The following CDH11 variants were observed in gnomAD, a reference collection of about 807,000 sequenced individuals.
CDH11 encodes cadherin-11.
A neutral mutation model predicts 67.8 loss-of-function variants in CDH11; 11 were observed. The ratio of observed to expected loss-of-function variants is 0.16; its 90% CI spans 0.10 to 0.27. The LOEUF (loss-of-function observed/expected upper bound fraction) is 0.27. Among genes scored for constraint, CDH11 ranks in the 10% least tolerant of loss-of-function variants. The probability of loss-of-function intolerance (pLI) is 1.00; values close to 1 mark genes in which losing one functional copy is unlikely to be tolerated. For missense variants in CDH11, 847 were observed against 1,031.2 expected (o/e 0.82, Z 2.45); for synonymous variants, 419 against 400.0 (o/e 1.05, Z -0.57).
chr16:65,099,981 CAGAAG>C (rs1348693379), intron 1 of CDH11, among the ~76,000 whole-genome samples: 1 of 152,064 alleles, frequency 6.6e-6, no homozygotes, highest in African/African-American at 2.4e-5. Context: ...GGACGCATCT[CAGAAG>C]AGAAATGATA....
At chr16:65,042,416 A>C (rs962073050) in intron 2 of CDH11, among the ~76,000 whole-genome samples, 6 of 152,138 alleles carry the variant, frequency 3.9e-5, no homozygotes, top group Admixed American at 3.9e-4. Context: ...ATTTCAGCTG[A>C]ATCCTGAAAG....
At chr16:65,073,581 GC>G (rs1597160458) in intron 1 of CDH11, among the ~76,000 whole-genome samples, 1 of 152,132 alleles carries the variant, frequency 6.6e-6, no homozygotes, top group Non-Finnish European at 1.5e-5. Flanking sequence ...ACCACACTTG[GC>G]CTTCCTTTTT....
At chr16:65,036,715 C>G (rs531383331) in intron 2 of CDH11, among the ~76,000 whole-genome samples, 5 of 152,034 alleles carry the variant, frequency 3.3e-5, no homozygotes, top group Non-Finnish European at 5.9e-5. Context: ...AAAATGCAGA[C>G]CCCCCTCAAA....
chr16:65,055,341 T>A (rs941118285), intron 1 of CDH11, among the ~76,000 whole-genome samples: 1 of 152,200 alleles, frequency 6.6e-6, no homozygotes, highest in Non-Finnish European at 1.5e-5. Flanking sequence ...GAGAGGGACC[T>A]CCACCCTGGT....
At chr16:65,085,389 C>G (rs2074679493) in intron 1 of CDH11, among the ~76,000 whole-genome samples, 1 of 152,224 alleles carries the variant, frequency 6.6e-6, no homozygotes, top group East Asian at 1.9e-4. Flanking sequence ...GAGGTTCCTC[C>G]TCTGTAAAAT....
At chr16:65,095,551 T>C (rs532200125) in intron 1 of CDH11, among the ~76,000 whole-genome samples, 1 of 152,272 alleles carries the variant, frequency 6.6e-6, no homozygotes, top group Admixed American at 6.5e-5. Context: ...CTGTAATCAG[T>C]TTACTTTAAG....
At chr16:65,050,094 C>T (rs981647153) in intron 2 of CDH11, among the ~76,000 whole-genome samples, 1 of 152,144 alleles carries the variant, frequency 6.6e-6, no homozygotes, top group Non-Finnish European at 1.5e-5. Flanking sequence ...AATGTGTGTA[C>T]ACTTCTCTTG....
intron 2 of CDH11, 70 bp from the exon 3 acceptor site, chr16:65,005,111 C>A (rs1864146): frequency 1.6e-6 from 2 of 1,289,948 alleles, no homozygotes; most frequent in Non-Finnish European, 2.0e-6. Flanking sequence ...TTTCAGTAAG[C>A]CTTCAGGACT....
chr16:65,120,751 A>C (rs1597219498), intron 1 of CDH11, among the ~76,000 whole-genome samples: 1 of 152,118 alleles, frequency 6.6e-6, no homozygotes. Flanking sequence ...AAAACCTTTC[A>C]CCCGGGAGAG....
chr16:65,098,969 G>T (rs535789154), intron 1 of CDH11, among the ~76,000 whole-genome samples: 12 of 152,210 alleles, frequency 7.9e-5, no homozygotes, highest in Admixed American at 7.2e-4. Context: ...TATTATATTT[G>T]ATATATTGAG....
intron 3 of CDH11, among the ~76,000 whole-genome samples, chr16:65,003,532 C>T (rs1421282141): frequency 6.6e-6 from 1 of 152,234 alleles, no homozygotes; most frequent in Admixed American, 6.5e-5. Context: ...ACTAGGATTA[C>T]AGGTGTGAGC....
At chr16:65,016,157 C>T (rs1215842249) in intron 2 of CDH11, among the ~76,000 whole-genome samples, 3 of 152,128 alleles carry the variant, frequency 2.0e-5, no homozygotes, top group Non-Finnish European at 4.4e-5. Flanking sequence ...ATGGCTTTTT[C>T]GTATATCTAT....
chr16:65,098,731 T>A (rs11863328), intron 1 of CDH11, among the ~76,000 whole-genome samples: 2,841 of 152,242 alleles, frequency 0.019, 99 homozygotes, highest in African/African-American at 0.066. Context: ...TAGGTGCTTA[T>A]CAAATGCCTA....
At position 64,980,628 on chromosome 16, in the gene CDH11, G is replaced by A. The variant is rs78212166; in HGVS notation, c.1253+1420C>T. On this transcript the variant is annotated intron_variant, in intron 8 of 12. Transcript: ENST00000268603. Reference sequence around the variant, plus strand: ...CTTCAAAGAATGAGATGGAGGTAGAGGGGTGCAAAGAAGTTTTTTAAACTA... The same window carrying A: ...CTTCAAAGAATGAGATGGAGGTAGAAGGGTGCAAAGAAGTTTTTTAAACTA... Among the ~76,000 whole-genome samples the A allele has an allele frequency of 2.3e-4, 35 of 152,288 alleles. 1 individual carries two copies. In the East Asian group the frequency reaches 6.6e-3, roughly 29 times the overall value.
intron 2 of CDH11, among the ~76,000 whole-genome samples, chr16:65,041,173 C>A (rs2073861153): frequency 6.6e-6 from 1 of 152,178 alleles, no homozygotes; most frequent in Admixed American, 6.5e-5. Flanking sequence ...CTGGCCTTCC[C>A]AAATAGACAG....
At chr16:65,101,512 C>T (rs922466313) in intron 1 of CDH11, among the ~76,000 whole-genome samples, 1 of 152,014 alleles carries the variant, frequency 6.6e-6, no homozygotes, top group Non-Finnish European at 1.5e-5. Context: ...TTTATTCATT[C>T]TTTCTTCCTC....
At chr16:65,104,139 A>T (rs16968496) in intron 1 of CDH11, among the ~76,000 whole-genome samples, 1 of 152,066 alleles carries the variant, frequency 6.6e-6, no homozygotes, top group Admixed American at 6.6e-5. Flanking sequence ...GAGGTATGCA[A>T]ATATGATTCC....
chr16:65,078,263 C>A (rs1223793325), intron 1 of CDH11, among the ~76,000 whole-genome samples: 1 of 152,166 alleles, frequency 6.6e-6, no homozygotes, highest in South Asian at 2.1e-4. Context: ...GCTGCTATTT[C>A]CATGTGTAGA....
intron 2 of CDH11, among the ~76,000 whole-genome samples, chr16:65,025,280 G>A (rs954072309): frequency 2.0e-5 from 3 of 152,178 alleles, no homozygotes; most frequent in African/African-American, 7.2e-5. Context: ...TACACAGGTG[G>A]GCAGAAGGAT....
Sources: allele counts gnomAD v4.1 joint callset (sites outside exome capture counted in the v4.1 genomes callset), GRCh38; gene constraint gnomAD v4.1.1; transcripts MANE v1.5; gene names NCBI Gene and HGNC (gene_info 2026-07-23, HGNC 2026-07-21).